Variants in SSH1 observed in about 807,000 individuals in gnomAD.
SSH1 encodes the protein protein phosphatase Slingshot homolog 1.
In SSH1, 43 loss-of-function variants were observed where a neutral mutation model predicts 79.7. The ratio of observed to expected loss-of-function variants is 0.54; its 90% CI spans 0.42 to 0.70. The LOEUF (loss-of-function observed/expected upper bound fraction) is 0.70, where lower values mean the gene tolerates loss of function less well. Among genes scored for constraint, SSH1 ranks in the 30% least tolerant of loss-of-function variants. The probability of loss-of-function intolerance (pLI) is 0.00; values close to 1 mark genes in which losing one functional copy is unlikely to be tolerated. For synonymous variants in SSH1, 599 were observed against 538.3 expected, an observed-to-expected ratio of 1.11 and a Z score of -1.56; for missense variants, 1,206 against 1,358.8, an observed-to-expected ratio of 0.89 and a Z score of 1.77.
chr12:108,792,271 C>A lies in SSH1; in HGVS notation c.1893+15G>T, dbSNP rs758611103. 2 of 1,614,036 alleles carry A rather than the reference C, an allele frequency of 1.2e-6. No individual in the cohort carries two copies. Among genetic ancestry groups the A allele is most frequent in the Non-Finnish European group, 1.7e-6 (2 of 1,180,048 alleles). On this transcript the variant is annotated intron_variant, in intron 14 of 14. Transcript: ENST00000326495. ...GGGATGGGGTGTGCCACCCTGCAGG[C>A]CGGGCTCTGCCTACCTCCATGCCGT...
At position 108,857,169 on chromosome 12, in the gene SSH1, C is replaced by T. The variant is rs775733444; in HGVS notation, c.69+259G>A. On this transcript the variant is annotated intron_variant, in intron 1 of 14. Coordinates refer to ENST00000326495, the MANE Select transcript of SSH1 (RefSeq NM_018984.4). This position sits in a 1 kb window ranked among gnomAD's most constrained non-coding sequence, Gnocchi z 4.7. ...AGACACTCCCAGAGGGGTCGCACTG[C>T]ATACACAGTCCCTGCAAAGTCGCCC... Among the ~76,000 whole-genome samples, 2 of 152,226 alleles carry T rather than the reference C, an allele frequency of 1.3e-5. No homozygotes were observed. Among genetic ancestry groups the T allele is most frequent in the Non-Finnish European group, 2.9e-5 (2 of 68,030 alleles).
intron 1 of SSH1, among the ~76,000 whole-genome samples, chr12:108,855,006 G>C (rs1221527656): frequency 6.6e-6 from 1 of 152,142 alleles, no homozygotes; most frequent in African/African-American, 2.4e-5. Context: ...TCAAATAAAA[G>C]CTGCCTGAGT....
At chr12:108,793,786 C>T (rs114376581) in intron 13 of SSH1, among the ~76,000 whole-genome samples, 35 of 152,244 alleles carry the variant, frequency 2.3e-4, no homozygotes, top group African/African-American at 7.2e-4. Flanking sequence ...TAAAGTAATA[C>T]CAGTATCACA....
intron 14 of SSH1, 76 bp downstream of exon 14, chr12:108,792,210 C>T (rs1028961253): frequency 3.1e-6 from 5 of 1,609,736 alleles, no homozygotes; most frequent in Admixed American, 3.4e-5. Context: ...GTCCCTACTA[C>T]AGAGGCTGAG....
chr12:108,831,649 C>G (rs1375122192), intron 2 of SSH1, among the ~76,000 whole-genome samples: 1 of 151,916 alleles, frequency 6.6e-6, no homozygotes, highest in Non-Finnish European at 1.5e-5. Context: ...ATGAAGCCTG[C>G]GAGGCCCTGA....
rs539627718 is a variant in SSH1, at chr12:108,787,818, T to C, written c.*170A>G. The C allele has an allele frequency of 2.6e-6, 2 of 780,542 alleles. No individual in the cohort carries two copies. The highest frequency in any genetic ancestry group is 4.0e-6 in the Non-Finnish European group (2 of 494,326). The allele number at this position is 780,542 out of a possible 1,614,324, so 48.4% of individuals were successfully genotyped here. A position where few individuals can be genotyped will look rare whatever the true frequency, so the allele number is the denominator to read the frequency against. On this transcript the variant is annotated 3_prime_UTR_variant, in exon 15 of 15. Transcript: ENST00000326495. ...TGACAGCTCCCCTTCTTGTGCTGCA[T>C]GTTGGTTAGTTTCTTCTCCTCCTCT...
chr12:108,787,759 G>C lies in SSH1; in HGVS notation c.*229C>G, dbSNP rs1412851110. The C allele has an allele frequency of 1.7e-6, 1 of 589,082 alleles. No individual in the cohort carries two copies. Among genetic ancestry groups the C allele is most frequent in the Non-Finnish European group, 3.0e-6 (1 of 335,694 alleles). 36.5% of individuals were successfully genotyped at this position (589,082 alleles called of 1,614,324 possible). ...TGGGAGCGGAGTTTTGTGTCTCCTG[G>C]CCGGCGGCTCCTGGTTCTCCCAGGC... On this transcript the variant is annotated 3_prime_UTR_variant, in exon 15 of 15. Coordinates refer to ENST00000326495, the MANE Select transcript of SSH1 (RefSeq NM_018984.4).
chr12:108,788,958 C>A lies in SSH1; in HGVS notation c.2180G>T (p.Gly727Val). 6.2e-7 allele frequency: 1 copy of A among 1,613,604 alleles called. No homozygotes were observed. Among genetic ancestry groups the A allele is most frequent in the Non-Finnish European group, 8.5e-7 (1 of 1,179,734 alleles). ...PAGSRRADTS[G>V]PGAGAALEPP... ...CTCTAGGGCAGCTCCAGCCCCAGGG[C>A]CACTGGTGTCTGCCCTCCTGGAGCC... The change falls in exon 15 of 15, where the codon GGC (glycine) becomes GTC (valine). Residue 727 changes from glycine to valine, a missense_variant. By Grantham distance (109) the Gly-to-Val change is moderately radical. Transcript: ENST00000326495.
chr12:108,838,704 C>T (rs1455171469), intron 2 of SSH1, among the ~76,000 whole-genome samples: 10 of 152,234 alleles, frequency 6.6e-5, no homozygotes. Flanking sequence ...GTTAAGACAA[C>T]TTGCTTGTCC....
chr12:108,843,984 G>A (rs2038837937), intron 2 of SSH1, among the ~76,000 whole-genome samples: 1 of 152,120 alleles, frequency 6.6e-6, no homozygotes. Flanking sequence ...AAACACTAAG[G>A]AGAGAAAAAC....
At chr12:108,814,809 C>T (rs1410197872) in intron 5 of SSH1, among the ~76,000 whole-genome samples, 3 of 152,224 alleles carry the variant, frequency 2.0e-5, no homozygotes, top group South Asian at 2.1e-4. Flanking sequence ...GAACTGAAGT[C>T]GGGGTGCCGA....
intron 11 of SSH1, among the ~76,000 whole-genome samples, chr12:108,801,315 T>C (rs1374412351): frequency 1.3e-5 from 2 of 152,186 alleles, no homozygotes; most frequent in African/African-American, 2.4e-5. Flanking sequence ...ACTATATCCA[T>C]CCATTATCTA....
rs200119550 is a variant in SSH1 at position 108,788,647 on chromosome 12, G to A, written c.2491C>T (p.Arg831Trp). ...GGGTCTGCAGGCACGCTCTTCAGCCGCTCTAGCTCTTTGGTGTGCTTGCGG... is the reference window on the plus strand; with the variant it reads ...GGGTCTGCAGGCACGCTCTTCAGCCACTCTAGCTCTTTGGTGTGCTTGCGG... The part of the protein sequence containing the change: ...LVRKHTKELE[R>W]LKSVPADPAP... The change falls in exon 15 of 15, where the codon CGG (arginine) becomes TGG (tryptophan). Residue 831 changes from arginine to tryptophan, a missense_variant. Transcript: ENST00000326495. 1.1e-5 allele frequency: 18 copies of A among 1,613,728 alleles called. No individual in the cohort carries two copies. Among genetic ancestry groups the A allele is most frequent in the African/African-American group, 6.7e-5 (5 of 74,918 alleles).
chr12:108,802,589 C>T (rs2037065338), intron 10 of SSH1, among the ~76,000 whole-genome samples: 1 of 152,146 alleles, frequency 6.6e-6, no homozygotes, highest in African/African-American at 2.4e-5. Flanking sequence ...AGGGAAGGGT[C>T]CCGGCCCTCA....
At chr12:108,791,337 T>C (rs2036491018) in intron 14 of SSH1, among the ~76,000 whole-genome samples, 1 of 152,196 alleles carries the variant, frequency 6.6e-6, no homozygotes, top group African/African-American at 2.4e-5. Flanking sequence ...TTCCATCTCC[T>C]GACCTCCTGA....
chr12:108,790,001 T>C (rs936686968), intron 14 of SSH1, among the ~76,000 whole-genome samples: 2 of 151,958 alleles, frequency 1.3e-5, no homozygotes, highest in Non-Finnish European at 2.9e-5. Context: ...GCCAGCTCTG[T>C]CTCTCAACAC....
At chr12:108,819,847 G>A (rs888505362) in intron 3 of SSH1, among the ~76,000 whole-genome samples, 2 of 152,028 alleles carry the variant, frequency 1.3e-5, no homozygotes, top group Admixed American at 1.3e-4. Flanking sequence ...ACCCCAAAAG[G>A]ATCAATAATG....
rs1363379275 is a variant in SSH1 at position 108,786,605 on chromosome 12, G to C, written c.*1383C>G. The C allele has an allele frequency of 6.6e-6, 1 of 152,136 alleles. No homozygotes were observed. Among genetic ancestry groups the C allele is most frequent in the Non-Finnish European group, 1.5e-5 (1 of 68,034 alleles). 9.4% of individuals were successfully genotyped at this position (152,136 alleles called of 1,614,324 possible). A position where few individuals can be genotyped will look rare whatever the true frequency, so the allele number is the denominator to read the frequency against. On this transcript the variant is annotated 3_prime_UTR_variant, in exon 15 of 15. Coordinates refer to ENST00000326495, the MANE Select transcript of SSH1 (RefSeq NM_018984.4). ...TAAAAAGGTAAAAGCCATCGCTTGA[G>C]CCAGGGAGGTTGATGCTGCAGTGAG...
chr12:108,798,137 T>C (rs1199668680), intron 13 of SSH1, among the ~76,000 whole-genome samples: 1 of 152,218 alleles, frequency 6.6e-6, no homozygotes, highest in Non-Finnish European at 1.5e-5. Flanking sequence ...AGTTCGCTTG[T>C]ACGCTCCCTC....
Sources: gnomAD v4.1 joint callset for allele counts (sites outside exome capture counted in the v4.1 genomes callset) on GRCh38, gnomAD v4.1.1 for gene constraint, Gnocchi (gnomAD v3.1) non-coding constraint, MANE v1.5 for transcripts, NCBI Gene and HGNC (gene_info 2026-07-23, HGNC 2026-07-21) for gene names.